The following SCP2 variants were observed in gnomAD, a reference collection of about 807,000 sequenced individuals.
The protein encoded by SCP2 is sterol carrier protein 2.
Under a neutral mutation model 71.4 loss-of-function variants are expected in SCP2, and 48 were observed. The ratio of observed to expected loss-of-function variants is 0.67; its 90% CI spans 0.53 to 0.86. SCP2 has a LOEUF of 0.86. SCP2 is among the 40% of genes least tolerant of loss of function. The probability of loss-of-function intolerance (pLI) is 0.00; values close to 1 mark genes in which losing one functional copy is unlikely to be tolerated. For synonymous variants in SCP2, 220 were observed against 218.1 expected, an observed-to-expected ratio of 1.01 and a Z score of -0.08; for missense variants, 560 against 655.6, an observed-to-expected ratio of 0.85 and a Z score of 1.59.
chr1:52,968,014 C>T (rs943226094), intron 6 of SCP2, among the ~76,000 whole-genome samples: 2 of 152,162 alleles, frequency 1.3e-5, no homozygotes, highest in Non-Finnish European at 2.9e-5. Flanking sequence ...ACTCTTTTGG[C>T]CTGTAACACT....
intron 11 of SCP2, among the ~76,000 whole-genome samples, chr1:53,012,349 C>T (rs549635267): frequency 6.6e-6 from 1 of 152,238 alleles, no homozygotes; most frequent in South Asian, 2.1e-4. Flanking sequence ...CTGTTCCATA[C>T]TTTGTTGAAC....
chr1:53,000,765 T>G (rs1358373555), intron 11 of SCP2, among the ~76,000 whole-genome samples: 2 of 152,126 alleles, frequency 1.3e-5, no homozygotes, highest in Non-Finnish European at 2.9e-5. Flanking sequence ...GAGACCAACC[T>G]GGGCAAGATG....
intron 6 of SCP2, among the ~76,000 whole-genome samples, chr1:52,964,173 G>A (rs530506046): frequency 1.3e-5 from 2 of 148,920 alleles, no homozygotes; most frequent in African/African-American, 4.9e-5. Flanking sequence ...TTTGTTTATG[G>A]TTGTCATTTG....
In SCP2 at chr1:52,980,542, A is replaced by T. The variant is rs1218907581; in HGVS notation, c.972A>T (p.Glu324Asp). 6.2e-7 allele frequency: 1 copy of T among 1,613,424 alleles called. No individual in the cohort carries two copies. Among genetic ancestry groups the T allele is most frequent in the Non-Finnish European group, 8.5e-7 (1 of 1,179,466 alleles). ...ATGAAGCACTGGGACTCTGTCCAGAAGGTAACATCTTTGAATAGGGCAGAT... is the reference window on the plus strand; with the variant it reads ...ATGAAGCACTGGGACTCTGTCCAGATGGTAACATCTTTGAATAGGGCAGAT... ...LTYEALGLCPEGQGATLVDRG... is the reference protein window; with the variant it reads ...LTYEALGLCPDGQGATLVDRG... The change falls in exon 10 of 16, where the codon GAA (glutamate) becomes GAT (aspartate). Residue 324 changes from glutamate to aspartate, a missense_variant and splice_region_variant. By Grantham distance (45) the Glu-to-Asp change is conservative. This residue lies in a region of SCP2 where 513 missense variants were observed against 573.1 expected (regional missense o/e 0.90). Coordinates refer to ENST00000371514, the MANE Select transcript of SCP2 (RefSeq NM_002979.5).
At chr1:53,027,250 T>C (rs1382251553) in intron 12 of SCP2, among the ~76,000 whole-genome samples, 2 of 152,126 alleles carry the variant, frequency 1.3e-5, no homozygotes, top group African/African-American at 4.8e-5. Flanking sequence ...AGACGGGGTT[T>C]CAACATGTTG....
At chr1:52,976,885 C>A (rs774519402) in intron 8 of SCP2, 116 bp downstream of exon 8, 33 of 682,446 alleles carry the variant, frequency 4.8e-5, no homozygotes, top group Non-Finnish European at 8.1e-5. Flanking sequence ...AGAACTCCTC[C>A]CAGTGCCGTC....
chr1:53,032,001 A>G (rs748911131), intron 13 of SCP2, among the ~76,000 whole-genome samples: 1 of 152,210 alleles, frequency 6.6e-6, no homozygotes, highest in African/African-American at 2.4e-5. Context: ...ATAGTCATTC[A>G]TGGGCCACTG....
intron 6 of SCP2, among the ~76,000 whole-genome samples, chr1:52,970,971 T>TA (rs1657424311): frequency 7.7e-6 from 1 of 130,330 alleles, no homozygotes; most frequent in East Asian, 2.2e-4. Context: ...GACACAGATT[T>TA]TTTTTTTTTT....
At chr1:53,000,265 A>G (rs1437160595) in intron 11 of SCP2, among the ~76,000 whole-genome samples, 1 of 151,920 alleles carries the variant, frequency 6.6e-6, no homozygotes, top group East Asian at 1.9e-4. Flanking sequence ...AAAAAAAAAA[A>G]AAAAAGAAAG....
At chr1:52,982,940 C>T (rs1231025560) in intron 10 of SCP2, among the ~76,000 whole-genome samples, 1 of 152,124 alleles carries the variant, frequency 6.6e-6, no homozygotes, top group African/African-American at 2.4e-5. Flanking sequence ...TTTTTTGTTG[C>T]TCTTCATTCT....
chr1:53,033,553 T>C (rs55713135), intron 13 of SCP2, among the ~76,000 whole-genome samples: 46,902 of 144,220 alleles, frequency 0.33, 12,327 homozygotes, highest in African/African-American at 0.72. Flanking sequence ...TGCAGTGAGC[T>C]GAGATTGCAC....
At chr1:52,954,649 C>T in intron 4 of SCP2, 91 bp from the exon 5 acceptor site, 3 of 1,058,572 alleles carry the variant, frequency 2.8e-6, no homozygotes, top group Non-Finnish European at 4.4e-6. Flanking sequence ...TGTGTGCTCA[C>T]TTGACGTACT....
chr1:52,997,448 C>T (rs982142684), intron 11 of SCP2, among the ~76,000 whole-genome samples: 24 of 152,216 alleles, frequency 1.6e-4, no homozygotes, highest in South Asian at 6.2e-4. Flanking sequence ...CCACTGTGTC[C>T]GGCCAAAATG....
At chr1:53,029,023 G>A (rs553783719) in intron 13 of SCP2, among the ~76,000 whole-genome samples, 3 of 152,098 alleles carry the variant, frequency 2.0e-5, no homozygotes, top group East Asian at 1.9e-4. Flanking sequence ...TGATCCACCC[G>A]CCTTGGCCTC....
chr1:52,978,000 G>C (rs1430249213), intron 8 of SCP2, among the ~76,000 whole-genome samples: 1 of 151,846 alleles, frequency 6.6e-6, no homozygotes, highest in Non-Finnish European at 1.5e-5. Flanking sequence ...GGGACTCTTA[G>C]ATTCCAAGTA....
chr1:52,938,304 T>C (rs1653916900), intron 1 of SCP2, among the ~76,000 whole-genome samples: 1 of 152,182 alleles, frequency 6.6e-6, no homozygotes. Context: ...ATGCGTGTAC[T>C]GGGTTGTGTT....
intron 10 of SCP2, among the ~76,000 whole-genome samples, chr1:52,986,391 T>C (rs1658986327): frequency 6.6e-6 from 1 of 152,242 alleles, no homozygotes; most frequent in Non-Finnish European, 1.5e-5. Context: ...TTATCTCTTA[T>C]GACTAGAGCC....
chr1:52,933,702 T>G (rs1415892948), intron 1 of SCP2, among the ~76,000 whole-genome samples: 1 of 152,224 alleles, frequency 6.6e-6, no homozygotes, highest in Non-Finnish European at 1.5e-5. Flanking sequence ...CCATCATTTT[T>G]GACAGCTGCC....
intron 6 of SCP2, among the ~76,000 whole-genome samples, chr1:52,971,867 G>A (rs1395637643): frequency 6.6e-6 from 1 of 152,198 alleles, no homozygotes; most frequent in Non-Finnish European, 1.5e-5. Context: ...GGTGGAGGAA[G>A]TTAAAGTAAT....
Sources: gnomAD v4.1 joint callset for allele counts (sites outside exome capture counted in the v4.1 genomes callset) on GRCh38, gnomAD v4.1.1 for gene constraint, gnomAD v4.1.1 regional missense constraint, MANE v1.5 for transcripts, NCBI Gene and HGNC (gene_info 2026-07-23, HGNC 2026-07-21) for gene names.